Variants in EPG5 observed in about 807,000 individuals in gnomAD.
EPG5 encodes ectopic P-granules 5 autophagy tethering factor.
EPG5 carries 159 observed loss-of-function variants against 302.7 expected under a neutral mutation model. That is an observed-to-expected ratio of 0.53 (90% CI 0.46 to 0.60). EPG5 has a LOEUF of 0.60. Among genes scored for constraint, EPG5 ranks in the 20% least tolerant of loss-of-function variants. The probability of loss-of-function intolerance (pLI) is 0.00; values close to 1 mark genes in which losing one functional copy is unlikely to be tolerated. For synonymous variants in EPG5, 1,158 were observed against 1,136.8 expected (o/e 1.02, Z -0.37); for missense variants, 2,896 against 3,092.4 (o/e 0.94, Z 1.51).
intron 12 of EPG5, among the ~76,000 whole-genome samples, 158 bp downstream of exon 12, chr18:45,930,518 T>C (rs954789654): frequency 9.2e-5 from 14 of 152,218 alleles, no homozygotes; most frequent in Non-Finnish European, 1.8e-4. Context: ...ATAATCCCTG[T>C]AGCAAAATAA....
At position 45,916,219 on chromosome 18, in the gene EPG5, G is replaced by A. The variant is rs753163836; in HGVS notation, c.3385-13C>T. 15 of 1,597,692 alleles carry A rather than the reference G, an allele frequency of 9.4e-6. No homozygotes were observed. The South Asian group carries it at 1.0e-4, about 11-fold the overall frequency. On this transcript the variant is annotated splice_polypyrimidine_tract_variant and intron_variant, in intron 18 of 43. Transcript: ENST00000282041. ...CAGATATGTGTGCCTGTGGAGAAAA[G>A]GCTCATGTGATGGGAAAGATAACAA...
intron 1 of EPG5, among the ~76,000 whole-genome samples, chr18:45,963,997 G>A (rs551687689): frequency 2.0e-5 from 3 of 152,098 alleles, no homozygotes; most frequent in Non-Finnish European, 2.9e-5. Flanking sequence ...TTTGGAGGGT[G>A]AGCAAAAGTA....
At chr18:45,955,714 C>A (rs1281213062) in intron 1 of EPG5, among the ~76,000 whole-genome samples, 2 of 152,162 alleles carry the variant, frequency 1.3e-5, no homozygotes, top group Admixed American at 1.3e-4. Flanking sequence ...ATAGGTTTGT[C>A]TTCACCTTGA....
rs368060363 is a variant in EPG5, at chr18:45,955,252, A to C, written c.150T>G (p.Ser50=). 38 of 1,614,082 alleles carry C rather than the reference A, an allele frequency of 2.4e-5. No individual in the cohort carries two copies. The Middle Eastern group carries it at 4.9e-4, about 21-fold the overall frequency. Residue 50 remains serine, a synonymous_variant, in exon 2 of 44, where the codon TCT becomes TCG. Transcript: ENST00000282041. ...GGTCTCCTTTGAATTCACAGGCTAG[A>C]GAAGGGATTTCCTGCTCTCTGGAGG... ...PKTSREQEIP[S]LACEFKGDHL...
At chr18:45,807,076 G>A in the EPG5 span, among the ~76,000 whole-genome samples, 1 of 152,146 alleles carries the variant, frequency 6.6e-6, no homozygotes, top group Non-Finnish European at 1.5e-5. Flanking sequence ...CGGATTATGT[G>A]GGAGCTGGGT....
At chr18:45,936,496 G>A (rs1422084203) in intron 10 of EPG5, among the ~76,000 whole-genome samples, 4 of 152,184 alleles carry the variant, frequency 2.6e-5, no homozygotes, top group Admixed American at 6.5e-5. Context: ...GGGAGGCTGA[G>A]GCGGGCAAAT....
chr18:45,853,294 T>C (rs1328603895), intron 43 of EPG5, among the ~76,000 whole-genome samples: 1 of 152,160 alleles, frequency 6.6e-6, no homozygotes, highest in African/African-American at 2.4e-5. Context: ...ATCTGACAAA[T>C]GACACAAAAT....
At chr18:45,880,262 CCGAAA>C in intron 31 of EPG5, 39 bp from the exon 32 acceptor site, 1 of 1,512,170 alleles carries the variant, frequency 6.6e-7, no homozygotes, top group Non-Finnish European at 8.9e-7. Context: ...AGTGGCTTTC[CCGAAA>C]GGAATATTTT....
the EPG5 span, chr18:45,842,446 A>T: frequency 3.8e-4 from 152 of 395,520 alleles, no homozygotes; most frequent in Middle Eastern, 1.4e-3. Context: ...TGTGTGTGAG[A>T]GAGAGAGAGA....
intron 16 of EPG5, among the ~76,000 whole-genome samples, chr18:45,918,827 C>T (rs375603325): frequency 6.6e-6 from 1 of 151,996 alleles, no homozygotes; most frequent in African/African-American, 2.4e-5. Flanking sequence ...TTTGTGGAGG[C>T]GAATACAGGG....
At chr18:45,818,256 A>ATT in the EPG5 span, among the ~76,000 whole-genome samples, 164 of 148,218 alleles carry the variant, frequency 1.1e-3, no homozygotes, top group African/African-American at 3.7e-3. Flanking sequence ...GGAAGATTTT[A>ATT]TTTTTTTTTT....
Position 45,913,706 on chromosome 18 carries a change from C to A in EPG5, c.3816G>T (p.Lys1272Asn). Residue 1272 changes from lysine (K) to asparagine (N), a missense_variant and splice_region_variant, in exon 21 of 44, where the codon AAG becomes AAT. Lys to Asn is a moderately conservative substitution (Grantham distance 94, BLOSUM62 0). Transcript: ENST00000282041. ...TCAAATGCAGAACTGCTATTTGTAC[C>A]TTCAGAGCTTGGTCAGGGGTGAAAG... ...NSAFTPDQAL[K>N]KAQTQLKLPI... 6.2e-7 allele frequency: 1 copy of A among 1,613,940 alleles called. No homozygotes were observed. The highest frequency in any genetic ancestry group is 8.5e-7 in the Non-Finnish European group (1 of 1,179,906).
chr18:45,951,674 A>G (rs8088153), intron 3 of EPG5, among the ~76,000 whole-genome samples: 45,032 of 151,702 alleles, frequency 0.3, 9,292 homozygotes, highest in African/African-American at 0.57. Context: ...GGCCAGGCTG[A>G]TCTTGAACTC....
intron 27 of EPG5, among the ~76,000 whole-genome samples, chr18:45,891,022 T>C (rs2049333575): frequency 1.3e-5 from 2 of 152,140 alleles, no homozygotes; most frequent in African/African-American, 4.8e-5. Context: ...CCCAAACACA[T>C]GGGTGAGCAG....
the EPG5 span, among the ~76,000 whole-genome samples, chr18:45,813,026 A>AAAGGGCTAATATACAGAATCT: frequency 6.6e-6 from 1 of 152,224 alleles, no homozygotes; most frequent in African/African-American, 2.4e-5. Flanking sequence ...CTCATCTGAC[A>AAAGGGCTAATATACAGAATCT]AAGGGCTAAT....
At chr18:45,878,333 C>G in intron 34 of EPG5, 43 bp downstream of exon 34, 1 of 1,334,638 alleles carries the variant, frequency 7.5e-7, no homozygotes, top group Non-Finnish European at 1.1e-6. Flanking sequence ...AATTTTAAGT[C>G]TACAAACGTC....
chr18:45,925,985 T>A (rs2050259819), intron 13 of EPG5, 83 bp from the exon 14 acceptor site: 1 of 928,834 alleles, frequency 1.1e-6, no homozygotes, highest in East Asian at 3.3e-5. Flanking sequence ...ATTAAACTGC[T>A]TGTAAAAAAA....
At position 45,967,317 on chromosome 18, in the gene EPG5, C is replaced by A; in HGVS notation, c.-78G>T. 2 of 1,356,390 alleles carry A rather than the reference C, an allele frequency of 1.5e-6. No homozygotes were observed. Among genetic ancestry groups the A allele is most frequent in the South Asian group, 2.9e-5 (2 of 68,510 alleles). The allele number at this position is 1,356,390 out of a possible 1,614,324, so 84.0% of individuals were successfully genotyped here. A position where few individuals can be genotyped will look rare whatever the true frequency, so the allele number is the denominator to read the frequency against. ...AAGCAACCTGCCCGGTTCTGGCCTC[C>A]GGACTGTCACATGATCGAATCTCCG... On this transcript the variant is annotated 5_prime_UTR_variant, in exon 1 of 44. Coordinates refer to ENST00000282041, the MANE Select transcript of EPG5 (RefSeq NM_020964.3).
chr18:45,943,103 T>C, intron 9 of EPG5, 58 bp downstream of exon 9: 2 of 1,529,742 alleles, frequency 1.3e-6, no homozygotes, highest in Non-Finnish European at 1.8e-6. Flanking sequence ...AATTATGCAG[T>C]ATCTGTGTCT....
Sources: gnomAD v4.1 joint callset for allele counts (sites outside exome capture counted in the v4.1 genomes callset) on GRCh38, gnomAD v4.1.1 for gene constraint, MANE v1.5 for transcripts, NCBI Gene and HGNC (gene_info 2026-07-23, HGNC 2026-07-21) for gene names.